The following CAMK1D variants were observed in gnomAD, a reference collection of about 807,000 sequenced individuals.
The protein encoded by CAMK1D is calcium/calmodulin-dependent protein kinase type 1D.
A neutral mutation model predicts 47.7 loss-of-function variants in CAMK1D; 9 were observed. The ratio of observed to expected loss-of-function variants is 0.19; its 90% CI spans 0.11 to 0.33. CAMK1D has a LOEUF of 0.33. Among genes scored for constraint, CAMK1D ranks in the 10% least tolerant of loss-of-function variants. CAMK1D has a pLI of 1.00. For missense variants in CAMK1D, 291 were observed against 488.7 expected (o/e 0.60, Z 3.81); for synonymous variants, 184 against 184.9 (o/e 0.99, Z 0.04).
intron 1 of CAMK1D, among the ~76,000 whole-genome samples, chr10:12,512,866 A>T (rs796329713): frequency 1.6e-4 from 24 of 152,350 alleles, no homozygotes; most frequent in African/African-American, 4.8e-4. Flanking sequence ...CAAGCCGACC[A>T]CATGGGGCTA....
intron 5 of CAMK1D, among the ~76,000 whole-genome samples, chr10:12,787,988 A>G (rs896826022): frequency 3.9e-5 from 6 of 152,292 alleles, no homozygotes; most frequent in South Asian, 4.2e-4. Flanking sequence ...AAAAAAAATT[A>G]TGTTTTGTTG....
intron 1 of CAMK1D, among the ~76,000 whole-genome samples, chr10:12,412,749 C>CT (rs751228603): frequency 4.7e-5 from 7 of 147,650 alleles, no homozygotes; most frequent in Non-Finnish European, 1.0e-4. Context: ...GGAAACCAGT[C>CT]TTAAGTTGTA....
chr10:12,545,269 G>A (rs997064991), intron 1 of CAMK1D, among the ~76,000 whole-genome samples: 2 of 3,478 alleles, frequency 5.8e-4, no homozygotes, highest in Admixed American at 8.8e-3. Context: ...GTGAAAACTA[G>A]TCTCTACTAA....
At chr10:12,453,384 T>A (rs1833148559) in intron 1 of CAMK1D, among the ~76,000 whole-genome samples, 1 of 152,034 alleles carries the variant, frequency 6.6e-6, no homozygotes, top group African/African-American at 2.4e-5. Flanking sequence ...GAGATGGGGT[T>A]TCACTGTGTT....
intron 3 of CAMK1D, among the ~76,000 whole-genome samples, chr10:12,704,414 T>C (rs970050554): frequency 6.6e-6 from 1 of 152,182 alleles, no homozygotes; most frequent in Non-Finnish European, 1.5e-5. Context: ...AGTATAAATG[T>C]GGGCATGTTG....
At chr10:12,597,234 C>G (rs1838171437) in intron 2 of CAMK1D, among the ~76,000 whole-genome samples, 1 of 152,186 alleles carries the variant, frequency 6.6e-6, no homozygotes, top group East Asian at 1.9e-4. Flanking sequence ...ATGGTGGCTG[C>G]TCCTTGTCCT....
At chr10:12,657,497 G>C (rs538230158) in intron 2 of CAMK1D, among the ~76,000 whole-genome samples, 9 of 152,160 alleles carry the variant, frequency 5.9e-5, no homozygotes, top group Admixed American at 4.6e-4. Context: ...CAACAGTTTA[G>C]CAACTTGACT....
chr10:12,426,632 T>A (rs988424543), intron 1 of CAMK1D, among the ~76,000 whole-genome samples: 1 of 152,194 alleles, frequency 6.6e-6, no homozygotes, highest in Admixed American at 6.5e-5. Flanking sequence ...TCATGCAGCA[T>A]TGAACTCCTG....
chr10:12,415,501 T>C (rs1447663499), intron 1 of CAMK1D, among the ~76,000 whole-genome samples: 1 of 141,846 alleles, frequency 7.0e-6, no homozygotes, highest in Non-Finnish European at 1.5e-5. Context: ...GGTTTCACCA[T>C]GTTGGCCAGG....
At chr10:12,673,196 TG>T (rs1840687112) in intron 3 of CAMK1D, among the ~76,000 whole-genome samples, 1 of 150,848 alleles carries the variant, frequency 6.6e-6, no homozygotes. Flanking sequence ...CCTTTTTTAA[TG>T]CTTGTGGGAA....
At chr10:12,494,829 A>G (rs1380037613) in intron 1 of CAMK1D, among the ~76,000 whole-genome samples, 2 of 152,130 alleles carry the variant, frequency 1.3e-5, no homozygotes. Context: ...TCGGCCTGCC[A>G]AGGTGCTTGG....
chr10:12,809,011 G>A (rs564532298), intron 6 of CAMK1D, among the ~76,000 whole-genome samples: 1 of 152,152 alleles, frequency 6.6e-6, no homozygotes, highest in East Asian at 1.9e-4. Flanking sequence ...CAGGTGCGCA[G>A]GAGGCTGAGG....
intron 2 of CAMK1D, among the ~76,000 whole-genome samples, chr10:12,556,241 A>G (rs568155608): frequency 6.6e-6 from 1 of 152,314 alleles, no homozygotes; most frequent in African/African-American, 2.4e-5. Flanking sequence ...GAAAGAAAAT[A>G]GTTTGAAACC....
chr10:12,663,886 G>A (rs1840350180), intron 2 of CAMK1D, among the ~76,000 whole-genome samples: 1 of 152,080 alleles, frequency 6.6e-6, no homozygotes, highest in African/African-American at 2.4e-5. Flanking sequence ...TGTGAGGGTG[G>A]AATAAAGTAC....
intron 4 of CAMK1D, among the ~76,000 whole-genome samples, chr10:12,765,315 G>A (rs941276881): frequency 1.3e-5 from 2 of 152,114 alleles, no homozygotes; most frequent in Admixed American, 1.3e-4. Flanking sequence ...CAAGACCATT[G>A]CAATGCCATT....
chr10:12,737,762 G>A (rs1835251171), intron 3 of CAMK1D, among the ~76,000 whole-genome samples: 1 of 152,244 alleles, frequency 6.6e-6, no homozygotes, highest in Non-Finnish European at 1.5e-5. Flanking sequence ...GGGTAAAGGG[G>A]ACGTGAGCTA....
intron 3 of CAMK1D, among the ~76,000 whole-genome samples, chr10:12,714,167 C>G (rs1588838134): frequency 6.6e-6 from 1 of 152,146 alleles, no homozygotes; most frequent in Admixed American, 6.5e-5. Context: ...TGGTGGGCTT[C>G]TCTAAGTCTC....
intron 1 of CAMK1D, among the ~76,000 whole-genome samples, chr10:12,393,279 C>T (rs1838813136): frequency 6.6e-6 from 1 of 152,146 alleles, no homozygotes; most frequent in Non-Finnish European, 1.5e-5. Context: ...GATCCGCACG[C>T]CTCGGCCTCC....
intron 8 of CAMK1D, among the ~76,000 whole-genome samples, chr10:12,821,114 G>T (rs747143458): frequency 2.0e-5 from 3 of 152,204 alleles, no homozygotes; most frequent in Non-Finnish European, 2.9e-5. Context: ...GGAGACCCAG[G>T]GAAGAGCTGA....
Sources: gnomAD v4.1 joint callset for allele counts (sites outside exome capture counted in the v4.1 genomes callset) on GRCh38, gnomAD v4.1.1 for gene constraint, MANE v1.5 for transcripts, NCBI Gene and HGNC (gene_info 2026-07-23, HGNC 2026-07-21) for gene names.